Variants in CENPU observed in about 807,000 individuals in gnomAD.
CENPU encodes the protein KSHV latent nuclear antigen interacting protein 1.
CENPU carries 46 observed loss-of-function variants against 56.7 expected under a neutral mutation model. The ratio of observed to expected loss-of-function variants is 0.81; its 90% confidence interval spans 0.64 to 1.04. The LOEUF (loss-of-function observed/expected upper bound fraction) is 1.04, where lower values mean the gene tolerates loss of function less well. Among genes scored for constraint, CENPU ranks in the 50% least tolerant of loss-of-function variants. CENPU has a pLI of 0.00. For missense variants in CENPU, 510 were observed against 490.1 expected (o/e 1.04, Z -0.38); for synonymous variants, 166 against 163.0 (o/e 1.02, Z -0.14).
intron 5 of CENPU, 127 bp downstream of exon 5, chr4:184,717,009 C>T (rs1761117043): frequency 2.0e-5 from 13 of 661,608 alleles, no homozygotes; most frequent in South Asian, 6.6e-5. Context: ...AATGGTGCTA[C>T]GGAATGTTTT....
chr4:184,700,834 C>T lies in CENPU; in HGVS notation c.972G>A (p.Gln324=). Reference sequence around the variant, plus strand: ...CAGTATCTTACCGAAGCAGTTCATCCTGGACTTCAATCATACGCTGCCTTT... The same window carrying T: ...CAGTATCTTACCGAAGCAGTTCATCTTGGACTTCAATCATACGCTGCCTTT... ...EKKRQRMIEV[Q]DELLRLEPQL... The change falls in exon 11 of 13, where the codon CAG becomes CAA. Residue 324 remains glutamine (Q), a synonymous_variant. Transcript: ENST00000281453. The T allele has an allele frequency of 6.2e-7, 1 of 1,613,930 alleles. No homozygotes were observed. The highest frequency in any genetic ancestry group is 1.1e-5 in the South Asian group (1 of 91,084).
intron 1 of CENPU, among the ~76,000 whole-genome samples, chr4:184,731,965 G>A (rs983805488): frequency 1.3e-4 from 20 of 150,812 alleles, no homozygotes; most frequent in African/African-American, 2.4e-5. Flanking sequence ...TTTCCTAAGA[G>A]GGCATTATAC....
intron 8 of CENPU, among the ~76,000 whole-genome samples, chr4:184,703,607 A>T (rs531814688): frequency 4.0e-4 from 61 of 152,364 alleles, no homozygotes; most frequent in African/African-American, 1.1e-3. Flanking sequence ...AAAAATAAAT[A>T]AATTAAATTA....
rs1157187994 is a variant in CENPU, at chr4:184,697,643, T to C, written c.1143+4A>G. The C allele has an allele frequency of 1.9e-6, 3 of 1,612,158 alleles. No homozygotes were observed. Among genetic ancestry groups the C allele is most frequent in the Non-Finnish European group, 2.5e-6 (3 of 1,179,340 alleles). On this transcript the variant is annotated splice_donor_region_variant and intron_variant, in intron 12 of 12. Coordinates refer to ENST00000281453, the MANE Select transcript of CENPU (RefSeq NM_024629.4). ...AGCATGGTAAAAAGTAAAATTGGAGTTACCGTTTCCTTTACGTTTGGTTCT... is the reference window on the plus strand; with the variant it reads ...AGCATGGTAAAAAGTAAAATTGGAGCTACCGTTTCCTTTACGTTTGGTTCT...
At chr4:184,715,417 A>G (rs1761056900) in intron 6 of CENPU, among the ~76,000 whole-genome samples, 1 of 152,142 alleles carries the variant, frequency 6.6e-6, no homozygotes, top group South Asian at 2.1e-4. Context: ...GTTCAAGGTG[A>G]TTCTCCTGCT....
At chr4:184,700,299 T>G (rs1365486158) in intron 11 of CENPU, among the ~76,000 whole-genome samples, 2 of 141,516 alleles carry the variant, frequency 1.4e-5, no homozygotes, top group African/African-American at 5.4e-5. Context: ...GACAATAACA[T>G]AAACAATTGT....
At position 184,694,679 on chromosome 4, in the gene CENPU, ATGC is replaced by A. The variant is rs772524869; in HGVS notation, c.*606_*608del. The A allele has an allele frequency of 4.3e-6, 7 of 1,614,156 alleles. No homozygotes were observed. Among genetic ancestry groups the A allele is most frequent in the Admixed American group, 1.7e-5 (1 of 60,030 alleles). ...GCTTATTTTTTAGAAGCTACTGAAG[ATGC>A]TGAATTAGCTGAAGCTGCAGAGAAC... On this transcript the variant is annotated 3_prime_UTR_variant, in exon 13 of 13. Transcript: ENST00000281453.
At chr4:184,718,348 T>C (rs4416519) in intron 4 of CENPU, among the ~76,000 whole-genome samples, 27,110 of 152,216 alleles carry the variant, frequency 0.18, 2,704 homozygotes, top group African/African-American at 0.26. Context: ...CAATCCTGCT[T>C]CTTCCAACTT....
chr4:184,717,733 G>A (rs752528070), intron 4 of CENPU, among the ~76,000 whole-genome samples: 4 of 152,194 alleles, frequency 2.6e-5, no homozygotes, highest in Non-Finnish European at 5.9e-5. Flanking sequence ...TGTCTAGTGG[G>A]AAGGCCAAAG....
At chr4:184,702,511 A>G (rs1188813864) in intron 8 of CENPU, 70 bp from the exon 9 acceptor site, 1 of 1,075,940 alleles carries the variant, frequency 9.3e-7, no homozygotes, top group Admixed American at 2.4e-5. Context: ...TGCTTAGCAT[A>G]CAAACAAACA....
intron 5 of CENPU, 57 bp from the exon 6 acceptor site, chr4:184,716,690 TTACTGTAA>T: frequency 7.7e-7 from 1 of 1,303,338 alleles, no homozygotes; most frequent in Non-Finnish European, 1.1e-6. Flanking sequence ...CTTATAATTC[TTACTGTAA>T]TAGTAGAAAA....
In CENPU at chr4:184,716,598, A is replaced by G; in HGVS notation, c.417T>C (p.Ser139=). The change falls in exon 6 of 13, where the codon TCT becomes TCC. Residue 139 remains serine (S), a synonymous_variant. Coordinates refer to ENST00000281453, the MANE Select transcript of CENPU (RefSeq NM_024629.4). ...GRKLRPISDD[S]ESIEESDTRR... Reference sequence around the variant, plus strand: ...TTGTATCACTTTCTTCAATGCTTTCAGAGTCATCACTAATGGGCCTGAGCT... The same window carrying G: ...TTGTATCACTTTCTTCAATGCTTTCGGAGTCATCACTAATGGGCCTGAGCT... The G allele has an allele frequency of 6.2e-7, 1 of 1,614,186 alleles. No individual in the cohort carries two copies. The highest frequency in any genetic ancestry group is 8.5e-7 in the Non-Finnish European group (1 of 1,180,026).
chr4:184,710,443 C>T (rs1024772074), intron 7 of CENPU: 3 of 292,726 alleles, frequency 1.0e-5, no homozygotes, highest in African/African-American at 6.5e-5. Flanking sequence ...TTTTAATCAC[C>T]TTACTGCATC....
chr4:184,709,864 A>G (rs1368214831), intron 8 of CENPU, among the ~76,000 whole-genome samples: 2 of 152,136 alleles, frequency 1.3e-5, no homozygotes, highest in Non-Finnish European at 2.9e-5. Context: ...AGGTTAATAC[A>G]AAAATATAAA....
In CENPU at chr4:184,702,393, A is replaced by G; in HGVS notation, c.846T>C (p.Tyr282=). 2 of 1,612,434 alleles carry G rather than the reference A, an allele frequency of 1.2e-6. No individual in the cohort carries two copies. The highest frequency in any genetic ancestry group is 1.7e-6 in the Non-Finnish European group (2 of 1,179,574). ...KVCKAAIATF[Y]VNVKEQFIKM... ...TGATGAATTGTTCTTTAACATTAAC[A>G]TAAAATGTGGCGATGGCTGCCTTAC... The change falls in exon 9 of 13, where the codon TAT becomes TAC. Residue 282 remains tyrosine, a synonymous_variant. Coordinates refer to ENST00000281453, the MANE Select transcript of CENPU (RefSeq NM_024629.4).
intron 4 of CENPU, among the ~76,000 whole-genome samples, chr4:184,718,756 T>C (rs536173711): frequency 6.6e-6 from 1 of 152,100 alleles, no homozygotes; most frequent in African/African-American, 2.4e-5. Flanking sequence ...ATTGCCCAGA[T>C]TGCTGGATCG....
In CENPU at chr4:184,733,972, A is replaced by C; in HGVS notation, c.47+44T>G. ...CCACGGCAGGCGAGGAAGCAGTTCA[A>C]GCTGGTCTCCGGCCCCGCGCTCCCG... On this transcript the variant is annotated intron_variant, in intron 1 of 12. Coordinates refer to ENST00000281453, the MANE Select transcript of CENPU (RefSeq NM_024629.4). 1.9e-6 allele frequency: 3 copies of C among 1,611,164 alleles called. No homozygotes were observed. In the South Asian group the frequency reaches 3.3e-5, roughly 18 times the overall value.
At chr4:184,715,775 T>G (rs1053201460) in intron 6 of CENPU, among the ~76,000 whole-genome samples, 5 of 152,246 alleles carry the variant, frequency 3.3e-5, no homozygotes, top group Non-Finnish European at 5.9e-5. Context: ...TGGAATGTTA[T>G]GCATTGTTGA....
rs187135374 is a variant in CENPU, at chr4:184,728,811, T to C, written c.214+107A>G. 65 of 777,586 alleles carry C rather than the reference T, an allele frequency of 8.4e-5. No individual in the cohort carries two copies. In the East Asian group the frequency reaches 1.6e-3, roughly 19 times the overall value. 48.2% of individuals were successfully genotyped at this position (777,586 alleles called of 1,614,324 possible). On this transcript the variant is annotated intron_variant, in intron 3 of 12. Coordinates refer to ENST00000281453, the MANE Select transcript of CENPU (RefSeq NM_024629.4). ...CTCCCCAGAGAACATTATATTTACA[T>C]GCAGGCAACTAATTTTTATATTTGA... is the stretch of plus-strand genomic sequence containing the variant.
Sources: allele counts gnomAD v4.1 joint callset (sites outside exome capture counted in the v4.1 genomes callset), GRCh38; gene constraint gnomAD v4.1.1; transcripts MANE v1.5; gene names NCBI Gene and HGNC (gene_info 2026-07-23, HGNC 2026-07-21).